RBFOX1: variants seen among roughly 807,000 people sequenced by gnomAD.
The protein encoded by RBFOX1 is RNA binding protein fox-1 homolog 1.
RBFOX1 carries 8 observed loss-of-function variants against 57.7 expected under a neutral mutation model. The ratio of observed to expected loss-of-function variants is 0.14; its 90% CI spans 0.08 to 0.25. RBFOX1 has a LOEUF of 0.25. Ranked by LOEUF, RBFOX1 falls within the 10% of genes least tolerant of loss-of-function variation. The probability of loss-of-function intolerance (pLI) is 1.00; values close to 1 mark genes in which losing one functional copy is unlikely to be tolerated. For missense variants in RBFOX1, 611 were observed against 548.5 expected, an observed-to-expected ratio of 1.11 and a Z score of -1.14; for synonymous variants, 326 against 222.4, an observed-to-expected ratio of 1.47 and a Z score of -4.15.
chr16:6,434,233 A>G (rs1326202831), intron 2 of RBFOX1, among the ~76,000 whole-genome samples: 1 of 152,182 alleles, frequency 6.6e-6, no homozygotes, highest in Non-Finnish European at 1.5e-5. Flanking sequence ...ATTACATAAC[A>G]TCTGCAAAGT....
chr16:6,682,116 G>T (rs1752360613), intron 3 of RBFOX1, among the ~76,000 whole-genome samples: 1 of 152,130 alleles, frequency 6.6e-6, no homozygotes, highest in South Asian at 2.1e-4. Context: ...TTCTTCCTGG[G>T]CAATAGTGAA....
At chr16:5,621,495 C>T (rs2048200206) in intron 3 of RBFOX1, among the ~76,000 whole-genome samples, 1 of 152,070 alleles carries the variant, frequency 6.6e-6, no homozygotes, top group African/African-American at 2.4e-5. Flanking sequence ...TGATGGTTGA[C>T]CTATCAACCA....
chr16:6,811,960 T>C (rs1375128440), intron 3 of RBFOX1, among the ~76,000 whole-genome samples: 1 of 152,152 alleles, frequency 6.6e-6, no homozygotes, highest in African/African-American at 2.4e-5. Flanking sequence ...CAGACTGGAA[T>C]TTCTTACAGA....
chr16:7,689,098 G>A (rs150958601), intron 14 of RBFOX1, among the ~76,000 whole-genome samples: 1 of 152,156 alleles, frequency 6.6e-6, no homozygotes, highest in East Asian at 1.9e-4. Context: ...AAAAAGAAGG[G>A]TTATAAGAAA....
At chr16:6,859,131 A>ACGTG (rs1323441824) in intron 3 of RBFOX1, among the ~76,000 whole-genome samples, 1 of 40,396 alleles carries the variant, frequency 2.5e-5, no homozygotes, top group African/African-American at 1.4e-4. Context: ...ATATATATAC[A>ACGTG]TATATATACG....
chr16:5,338,164 C>T (rs947760032), intron 1 of RBFOX1, among the ~76,000 whole-genome samples: 2 of 152,110 alleles, frequency 1.3e-5, no homozygotes, highest in African/African-American at 2.4e-5. Flanking sequence ...TATTGAGGCA[C>T]CTGCTAGGCT....
chr16:6,456,211 A>G (rs2094768297), intron 2 of RBFOX1, among the ~76,000 whole-genome samples: 1 of 152,194 alleles, frequency 6.6e-6, no homozygotes, highest in African/African-American at 2.4e-5. Flanking sequence ...TAGAAGAATT[A>G]TGTATTTCTG....
intron 3 of RBFOX1, among the ~76,000 whole-genome samples, chr16:5,754,476 G>T (rs1354340844): frequency 1.3e-5 from 2 of 149,088 alleles, no homozygotes; most frequent in African/African-American, 5.0e-5. Flanking sequence ...CAGAGACAAA[G>T]TATAGAGAAA....
chr16:6,527,316 A>G (rs1183436834), intron 2 of RBFOX1, among the ~76,000 whole-genome samples: 1 of 151,920 alleles, frequency 6.6e-6, no homozygotes, highest in Non-Finnish European at 1.5e-5. Flanking sequence ...GTATATACTA[A>G]GAGGGGTGTG....
At chr16:6,022,281 T>C (rs1288108279) in intron 1 of RBFOX1, among the ~76,000 whole-genome samples, 1 of 152,168 alleles carries the variant, frequency 6.6e-6, no homozygotes, top group East Asian at 1.9e-4. Context: ...TAGAACATCA[T>C]TTATTTAATA....
At chr16:6,970,371 A>G (rs1351169967) in intron 3 of RBFOX1, among the ~76,000 whole-genome samples, 1 of 152,164 alleles carries the variant, frequency 6.6e-6, no homozygotes, top group Admixed American at 6.5e-5. Flanking sequence ...CTCAGTTGCA[A>G]GACAGGTAGT....
intron 4 of RBFOX1, among the ~76,000 whole-genome samples, chr16:7,514,075 T>C (rs1465616125): frequency 6.6e-6 from 1 of 152,154 alleles, no homozygotes; most frequent in Non-Finnish European, 1.5e-5. Flanking sequence ...CCATATCTAA[T>C]GACATTCTGC....
chr16:5,306,133 T>C (rs2063926816), intron 1 of RBFOX1, among the ~76,000 whole-genome samples: 1 of 152,108 alleles, frequency 6.6e-6, no homozygotes, highest in Non-Finnish European at 1.5e-5. Context: ...CCCAGGAGGT[T>C]GAGGCTGCGA....
intron 2 of RBFOX1, among the ~76,000 whole-genome samples, chr16:6,374,570 A>G (rs907661284): frequency 6.6e-6 from 1 of 152,204 alleles, no homozygotes; most frequent in Non-Finnish European, 1.5e-5. Context: ...AAGAGAAGAC[A>G]AATGCTGTGT....
At chr16:7,606,735 A>G (rs892375364) in intron 9 of RBFOX1, among the ~76,000 whole-genome samples, 2 of 152,216 alleles carry the variant, frequency 1.3e-5, no homozygotes, top group Non-Finnish European at 2.9e-5. Context: ...ACAGTTCCTG[A>G]ATGCATCAAA....
chr16:5,557,787 G>C (rs1422315523), intron 2 of RBFOX1, among the ~76,000 whole-genome samples: 1 of 152,206 alleles, frequency 6.6e-6, no homozygotes, highest in Non-Finnish European at 1.5e-5. Flanking sequence ...CTGTAAGTGA[G>C]GACAGGCATT....
At chr16:6,318,996 TG>T (rs896766416) in intron 2 of RBFOX1, among the ~76,000 whole-genome samples, 10 of 151,904 alleles carry the variant, frequency 6.6e-5, no homozygotes, top group African/African-American at 1.9e-4. Context: ...GAACAAACAT[TG>T]AATTCTGGGA....
intron 3 of RBFOX1, among the ~76,000 whole-genome samples, chr16:5,783,323 C>T (rs1253554763): frequency 6.6e-6 from 1 of 152,164 alleles, no homozygotes; most frequent in African/African-American, 2.4e-5. Context: ...CGCTGCTTAG[C>T]AATCTAGTTT....
At chr16:7,133,872 CAA>C (rs1385342496) in intron 4 of RBFOX1, among the ~76,000 whole-genome samples, 1 of 151,992 alleles carries the variant, frequency 6.6e-6, no homozygotes, top group East Asian at 1.9e-4. Flanking sequence ...ATGGCTAATC[CAA>C]AAAATATACA....
Sources: allele counts gnomAD v4.1 joint callset (sites outside exome capture counted in the v4.1 genomes callset), GRCh38; gene constraint gnomAD v4.1.1; transcripts MANE v1.5; gene names NCBI Gene and HGNC (gene_info 2026-07-23, HGNC 2026-07-21).